LOC122539214: variants seen among roughly 807,000 people sequenced by gnomAD.
the LOC122539214 span, among the ~76,000 whole-genome samples, chr19:52,672,160 G>A: frequency 6.6e-6 from 1 of 152,096 alleles, no homozygotes; most frequent in East Asian, 1.9e-4. Flanking sequence ...CTTGAATCCA[G>A]GAGGCAGAGG....
chr19:52,682,270 A>G, the LOC122539214 span, among the ~76,000 whole-genome samples: 3 of 152,222 alleles, frequency 2.0e-5, no homozygotes, highest in African/African-American at 7.2e-5. Context: ...GGACTTATCC[A>G]TCCATGTATT....
At chr19:52,672,141 G>A in the LOC122539214 span, among the ~76,000 whole-genome samples, 1 of 152,118 alleles carries the variant, frequency 6.6e-6, no homozygotes. Context: ...GATTGAGGCA[G>A]GAGAATCTCT....
At chr19:52,652,482 C>A in the LOC122539214 span, 1 of 438,456 alleles carries the variant, frequency 2.3e-6, no homozygotes, top group Non-Finnish European at 4.6e-6. Context: ...TTGTGAGGTT[C>A]TCTCCCATAT....
the LOC122539214 span, among the ~76,000 whole-genome samples, chr19:52,687,883 C>G: frequency 7.1e-4 from 107 of 151,118 alleles, 1 homozygote; most frequent in South Asian, 0.022. Context: ...ATTTTTGTTG[C>G]ACTTCACTGC....
the LOC122539214 span, among the ~76,000 whole-genome samples, chr19:52,680,820 G>T: frequency 1.3e-5 from 2 of 150,044 alleles, no homozygotes; most frequent in East Asian, 2.0e-4. Context: ...CACCGTGTTA[G>T]CCAGGATGGT....
chr19:52,671,341 CATA>C, the LOC122539214 span, among the ~76,000 whole-genome samples: 2 of 152,074 alleles, frequency 1.3e-5, no homozygotes, highest in African/African-American at 4.8e-5. Context: ...TTGTTGACAA[CATA>C]ATATGCTAAC....
chr19:52,689,947 G>A, the LOC122539214 span, among the ~76,000 whole-genome samples: 6 of 152,182 alleles, frequency 3.9e-5, no homozygotes, highest in South Asian at 1.0e-3. Context: ...GACCTGGGGA[G>A]CAGCAGGGCC....
At chr19:52,661,496 G>A in the LOC122539214 span, among the ~76,000 whole-genome samples, 2 of 152,184 alleles carry the variant, frequency 1.3e-5, no homozygotes, top group Admixed American at 1.3e-4. Context: ...CTGCCTTGAT[G>A]TTCAATGCTG....
the LOC122539214 span, among the ~76,000 whole-genome samples, chr19:52,687,829 TATTA>T: frequency 2.7e-5 from 4 of 149,288 alleles, no homozygotes; most frequent in South Asian, 6.3e-4. Context: ...TGTCTCAAAA[TATTA>T]ATTAATTAAA....
At chr19:52,677,137 A>AAAAAAG in the LOC122539214 span, among the ~76,000 whole-genome samples, 4 of 6,354 alleles carry the variant, frequency 6.3e-4, no homozygotes, top group African/African-American at 7.2e-3. Context: ...AAAAAAAAAG[A>AAAAAAG]AAAAAAGAAA....
chr19:52,690,193 A>C, the LOC122539214 span, among the ~76,000 whole-genome samples: 229 of 151,676 alleles, frequency 1.5e-3, 1 homozygote, highest in Non-Finnish European at 2.1e-3. Context: ...AAAAAAAAAA[A>C]AAAAACAACA....
chr19:52,655,784 A>G, the LOC122539214 span: 2 of 615,882 alleles, frequency 3.2e-6, no homozygotes, highest in Admixed American at 5.3e-5. Context: ...TTGATCCAAG[A>G]CGGTGTTCTG....
At chr19:52,658,552 T>C in the LOC122539214 span, among the ~76,000 whole-genome samples, 1 of 152,122 alleles carries the variant, frequency 6.6e-6, no homozygotes, top group Non-Finnish European at 1.5e-5. Flanking sequence ...GTGACAGTGT[T>C]GGGATTTACT....
the LOC122539214 span, among the ~76,000 whole-genome samples, chr19:52,680,864 G>C: frequency 4.0e-5 from 6 of 150,798 alleles, no homozygotes; most frequent in Admixed American, 6.6e-5. Flanking sequence ...CGCCCGCCTC[G>C]GCCTCCCAAA....
the LOC122539214 span, among the ~76,000 whole-genome samples, chr19:52,671,993 G>A: frequency 1.8e-4 from 27 of 152,256 alleles, no homozygotes; most frequent in South Asian, 5.2e-3. Context: ...AGCACTTTGG[G>A]AGGTCGAGGC....
At chr19:52,684,959 G>A in the LOC122539214 span, among the ~76,000 whole-genome samples, 1 of 152,144 alleles carries the variant, frequency 6.6e-6, no homozygotes, top group South Asian at 2.1e-4. Context: ...TCCCTGCCAG[G>A]CACTGACATG....
At chr19:52,663,420 A>G in the LOC122539214 span, among the ~76,000 whole-genome samples, 1 of 152,236 alleles carries the variant, frequency 6.6e-6, no homozygotes, top group Non-Finnish European at 1.5e-5. Flanking sequence ...CTGCTGGAAC[A>G]AGGTTCTAAG....
chr19:52,682,267 T>C, the LOC122539214 span, among the ~76,000 whole-genome samples: 1 of 152,210 alleles, frequency 6.6e-6, no homozygotes, highest in Non-Finnish European at 1.5e-5. Flanking sequence ...CATGGACTTA[T>C]CCATCCATGT....
chr19:52,660,130 GA>G, the LOC122539214 span, among the ~76,000 whole-genome samples: 1 of 70,092 alleles, frequency 1.4e-5, no homozygotes. Flanking sequence ...ATGGTGGTAA[GA>G]ATCATGGTGG....
Sources: gnomAD v4.1 joint callset for allele counts (sites outside exome capture counted in the v4.1 genomes callset) on GRCh38, gnomAD v4.1.1 for gene constraint, MANE v1.5 for transcripts.